The following P4HA3 variants were observed in gnomAD, a reference collection of about 807,000 sequenced individuals.
P4HA3 encodes prolyl 4-hydroxylase subunit alpha 3.
A neutral mutation model predicts 66.7 loss-of-function variants in P4HA3; 60 were observed. The ratio of observed to expected loss-of-function variants is 0.90; its 90% confidence interval spans 0.73 to 1.12. The LOEUF (loss-of-function observed/expected upper bound fraction) is 1.12, where lower values mean the gene tolerates loss of function less well. Among genes scored for constraint, P4HA3 ranks in the 50% most tolerant of loss-of-function variants. P4HA3 has a pLI of 0.00. For missense variants in P4HA3, 683 were observed against 685.8 expected (o/e 1.00, Z 0.05); for synonymous variants, 263 against 274.6 (o/e 0.96, Z 0.42).
intron 5 of P4HA3, chr11:74,287,013 G>A: frequency 1.1e-6 from 1 of 880,838 alleles, no homozygotes; most frequent in Non-Finnish European, 1.4e-6. Context: ...TAGACCCAGA[G>A]CAAAGAAGTA....
At chr11:74,251,725 G>GT in intron 15 of P4HA3, 1 of 1,613,908 alleles carries the variant, frequency 6.2e-7, no homozygotes, top group African/African-American at 1.3e-5. Flanking sequence ...GGTAAGGCGG[G>GT]TACAAGGGTT....
At chr11:74,298,617 G>T (rs1407875560) in intron 3 of P4HA3, among the ~76,000 whole-genome samples, 3 of 152,102 alleles carry the variant, frequency 2.0e-5, no homozygotes, top group African/African-American at 7.2e-5. Flanking sequence ...CTCTAATTTG[G>T]GACAGAATAT....
chr11:74,256,270 G>A (rs749240774), intron 15 of P4HA3, among the ~76,000 whole-genome samples: 3 of 152,194 alleles, frequency 2.0e-5, no homozygotes, highest in Non-Finnish European at 4.4e-5. Context: ...GAGGATGACC[G>A]TGGAGATGAA....
chr11:74,294,144 T>C (rs1861132271), intron 4 of P4HA3, among the ~76,000 whole-genome samples: 1 of 152,224 alleles, frequency 6.6e-6, no homozygotes, highest in Non-Finnish European at 1.5e-5. Context: ...CTTTGTTCGT[T>C]TCTTTTTATT....
At chr11:74,253,665 G>T in intron 15 of P4HA3, 1 of 801,242 alleles carries the variant, frequency 1.2e-6, no homozygotes. Flanking sequence ...ACCTTTTCAT[G>T]TATTCTGCCA....
intron 1 of P4HA3, among the ~76,000 whole-genome samples, chr11:74,307,469 G>A (rs1861611508): frequency 6.6e-6 from 1 of 152,148 alleles, no homozygotes; most frequent in Non-Finnish European, 1.5e-5. Flanking sequence ...GTCAGGGTTT[G>A]ATCTCTATTG....
At chr11:74,275,986 T>C (rs940105450) in intron 9 of P4HA3, among the ~76,000 whole-genome samples, 6 of 152,142 alleles carry the variant, frequency 3.9e-5, no homozygotes, top group African/African-American at 1.4e-4. Context: ...AAGAATGAAA[T>C]AATTTCCTCT....
At chr11:74,304,039 G>C (rs1861499790) in intron 2 of P4HA3, among the ~76,000 whole-genome samples, 1 of 152,144 alleles carries the variant, frequency 6.6e-6, no homozygotes, top group South Asian at 2.1e-4. Context: ...TCACAGGATT[G>C]TAGTGAACAT....
intron 9 of P4HA3, among the ~76,000 whole-genome samples, chr11:74,274,303 TG>T (rs1860315587): frequency 6.7e-6 from 1 of 148,768 alleles, no homozygotes; most frequent in South Asian, 2.1e-4. Context: ...GTTTTTTTTT[TG>T]TTTTTTTTTT....
chr11:74,251,722 C>CG (rs1218178870), intron 15 of P4HA3: 1 of 1,613,734 alleles, frequency 6.2e-7, no homozygotes, highest in African/African-American at 1.3e-5. Context: ...AGTGGTAAGG[C>CG]GGGTACAAGG....
intron 8 of P4HA3, among the ~76,000 whole-genome samples, chr11:74,278,761 G>A (rs1860485568): frequency 6.6e-6 from 1 of 152,156 alleles, no homozygotes; most frequent in Non-Finnish European, 1.5e-5. Context: ...AAATGATTCT[G>A]AATCACAGCT....
chr11:74,286,026 C>G lies in P4HA3; in HGVS notation c.934-41G>C, dbSNP rs538403759. The G allele has an allele frequency of 5.1e-6, 8 of 1,560,524 alleles. No homozygotes were observed. The South Asian group carries it at 9.0e-5, about 18-fold the overall frequency. On this transcript the variant is annotated intron_variant, in intron 6 of 12. Transcript: ENST00000331597. ...AGGATGAGCATAAGAGAAGAAGGGTCTAGGAGCAAAACTCAACTTAGGGGA... is the reference window on the plus strand; with the variant it reads ...AGGATGAGCATAAGAGAAGAAGGGTGTAGGAGCAAAACTCAACTTAGGGGA...
chr11:74,265,382 G>C (rs1282547507), downstream of P4HA3, among the ~76,000 whole-genome samples: 1 of 152,216 alleles, frequency 6.6e-6, no homozygotes, highest in Admixed American at 6.5e-5. Flanking sequence ...TAGAACATCA[G>C]AGCCTTTCCC....
At chr11:74,287,250 T>C (rs996381901) in intron 5 of P4HA3, 7 of 1,289,210 alleles carry the variant, frequency 5.4e-6, no homozygotes, top group African/African-American at 1.5e-5. Context: ...CAAAGCATCT[T>C]TCTCTGAGGA....
rs1235097402 is a variant in P4HA3, at chr11:74,266,865, G to C, written c.*383C>G. 2 of 717,282 alleles carry C rather than the reference G, an allele frequency of 2.8e-6. No homozygotes were observed. 44.4% of individuals were successfully genotyped at this position (717,282 alleles called of 1,614,324 possible). ...GGGAGTCAGGCTAGCCCCTCCTGCA[G>C]GTGTCCTCATTGCCACTTCTTGGTC... On this transcript the variant is annotated 3_prime_UTR_variant, in exon 13 of 13. Coordinates refer to ENST00000331597, the MANE Select transcript of P4HA3 (RefSeq NM_182904.5).
rs144257026 is a variant in P4HA3 at position 74,278,271 on chromosome 11, G to A, written c.1175+1117C>T. 8.2e-4 allele frequency among the ~76,000 whole-genome samples: 125 copies of A among 152,316 alleles called. 1 individual carries two copies. The highest frequency in any genetic ancestry group is 2.9e-3 in the African/African-American group (120 of 41,570). Reference sequence around the variant, plus strand: ...AAGAAACAGCATAAGCACAGACATGGAGGTGTGGCAATAAATTATGAATAA... The same window carrying A: ...AAGAAACAGCATAAGCACAGACATGAAGGTGTGGCAATAAATTATGAATAA... On this transcript the variant is annotated intron_variant, in intron 8 of 12. Coordinates refer to ENST00000331597, the MANE Select transcript of P4HA3 (RefSeq NM_182904.5).
chr11:74,281,745 G>T (rs912857450), intron 7 of P4HA3, among the ~76,000 whole-genome samples: 41 of 151,858 alleles, frequency 2.7e-4, no homozygotes, highest in African/African-American at 9.7e-4. Context: ...GAGGTGGGAG[G>T]GATAGCATTG....
chr11:74,273,874 G>A (rs935159782), intron 9 of P4HA3, among the ~76,000 whole-genome samples: 1 of 151,668 alleles, frequency 6.6e-6, no homozygotes, highest in African/African-American at 2.4e-5. Context: ...ACTATATGAG[G>A]GGTTAATTGC....
At chr11:74,251,973 C>T in intron 15 of P4HA3, 1 of 676,378 alleles carries the variant, frequency 1.5e-6, no homozygotes, top group Admixed American at 1.8e-5. Context: ...CTGTGATGTG[C>T]ATTTCTTCTT....
Sources: allele counts gnomAD v4.1 joint callset (sites outside exome capture counted in the v4.1 genomes callset), GRCh38; gene constraint gnomAD v4.1.1; transcripts MANE v1.5; gene names NCBI Gene and HGNC (gene_info 2026-07-23, HGNC 2026-07-21).